The following SNTG1 variants were observed in gnomAD, a reference collection of about 807,000 sequenced individuals.
SNTG1 encodes the protein syntrophin gamma 1, also known as gamma-1-syntrophin.
Under a neutral mutation model 74.7 loss-of-function variants are expected in SNTG1, and 39 were observed. The observed-to-expected ratio is 0.52, with a 90% CI of 0.40 to 0.68. The LOEUF is 0.68. Ranked by LOEUF, SNTG1 falls within the 30% of genes least tolerant of loss-of-function variation. The probability of loss-of-function intolerance (pLI) is 0.00; values close to 1 mark genes in which losing one functional copy is unlikely to be tolerated. For missense variants in SNTG1, 685 were observed against 609.5 expected, an observed-to-expected ratio of 1.12 and a Z score of -1.30; for synonymous variants, 254 against 217.1, an observed-to-expected ratio of 1.17 and a Z score of -1.49.
intron 9 of SNTG1, among the ~76,000 whole-genome samples, chr8:50,518,206 A>G (rs532487569): frequency 2.0e-5 from 3 of 152,336 alleles, no homozygotes; most frequent in African/African-American, 7.2e-5. Flanking sequence ...CAGAGTGACT[A>G]CTGGGTAAAT....
At chr8:50,403,699 G>T (rs963029478) in intron 4 of SNTG1, among the ~76,000 whole-genome samples, 1 of 152,204 alleles carries the variant, frequency 6.6e-6, no homozygotes, top group Non-Finnish European at 1.5e-5. Context: ...ATAATGAAGA[G>T]AATTAAGGAG....
chr8:50,230,840 CTT>C (rs71235782), intron 2 of SNTG1, among the ~76,000 whole-genome samples: 1 of 145,566 alleles, frequency 6.9e-6, no homozygotes, highest in African/African-American at 2.5e-5. Flanking sequence ...GTTTGGGTAA[CTT>C]TTTTTTTTTT....
chr8:50,508,034 C>T (rs556737336), intron 9 of SNTG1, among the ~76,000 whole-genome samples: 12 of 151,896 alleles, frequency 7.9e-5, no homozygotes, highest in South Asian at 4.2e-4. Flanking sequence ...CATCATTTAA[C>T]GTTAGATATA....
At chr8:50,643,590 G>C (rs950304255) in intron 13 of SNTG1, among the ~76,000 whole-genome samples, 3 of 152,146 alleles carry the variant, frequency 2.0e-5, no homozygotes, top group Non-Finnish European at 4.4e-5. Flanking sequence ...GAGAACTCGT[G>C]GTATGTTTAG....
intron 18 of SNTG1, among the ~76,000 whole-genome samples, chr8:50,787,147 CAT>C (rs1305696489): frequency 1.3e-5 from 2 of 151,338 alleles, no homozygotes; most frequent in African/African-American, 4.8e-5. Context: ...AGAAAAGAAA[CAT>C]AAATACCCCA....
At chr8:49,980,200 C>T (rs1812545887) in intron 1 of SNTG1, among the ~76,000 whole-genome samples, 1 of 152,178 alleles carries the variant, frequency 6.6e-6, no homozygotes, top group South Asian at 2.1e-4. Context: ...CTGGCAGCCA[C>T]TATTCTACTT....
rs183049395 is a variant in SNTG1 at position 50,414,075 on chromosome 8, G to T, written c.162+11731G>T. Among the ~76,000 whole-genome samples, 318 of 152,182 alleles carry T rather than the reference G, an allele frequency of 2.1e-3. 3 individuals are homozygous for T. The highest frequency in any genetic ancestry group is 0.01 in the Middle Eastern group (3 of 294). ...GATCTGACTCTGTTATCTGTTCTTT[G>T]TTCTGCTGCTGATGCACTCACTAAA... On this transcript the variant is annotated intron_variant, in intron 4 of 18. Coordinates refer to ENST00000642720, the MANE Select transcript of SNTG1 (RefSeq NM_018967.5).
intron 8 of SNTG1, among the ~76,000 whole-genome samples, chr8:50,485,036 C>T (rs185161192): frequency 2.0e-4 from 31 of 152,230 alleles, no homozygotes; most frequent in Admixed American, 6.5e-4. Flanking sequence ...GAGGGACATT[C>T]AACATGGGTC....
intron 17 of SNTG1, among the ~76,000 whole-genome samples, chr8:50,748,644 C>G (rs2095560461): frequency 6.6e-6 from 1 of 151,990 alleles, no homozygotes; most frequent in Non-Finnish European, 1.5e-5. Context: ...GTTTTTCCAA[C>G]AGCGTGCGCT....
At chr8:49,950,330 A>G (rs1354084388) in intron 1 of SNTG1, among the ~76,000 whole-genome samples, 2 of 152,210 alleles carry the variant, frequency 1.3e-5, no homozygotes, top group African/African-American at 4.8e-5. Flanking sequence ...ATGAAATTGT[A>G]TTAATATAAT....
chr8:50,259,521 AAAGAAAGAAAGAAAGAAAGAAAGAAAG>A lies in SNTG1; in HGVS notation c.-28+86889_-28+86915del, dbSNP rs2087066496. On this transcript the variant is annotated intron_variant, in intron 2 of 18. Transcript: ENST00000642720. ...CTCAAAAAAAAAAAAAGAAAGAAAG[AAAGAAAGAAAGAAAGAAAGAAAGAAAG>A]AAAGAAAGAAAGAAAGAAAGAAAGA... Among the ~76,000 whole-genome samples the A allele has an allele frequency of 4.9e-4, 5 of 10,118 alleles. 1 individual carries two copies. The highest frequency in any genetic ancestry group is 2.4e-3 in the Non-Finnish European group (4 of 1,668). 6.6% of individuals were successfully genotyped at this position (10,118 alleles called of 152,430 possible). A position where few individuals can be genotyped will look rare whatever the true frequency, so the allele number is the denominator to read the frequency against.
intron 2 of SNTG1, among the ~76,000 whole-genome samples, chr8:50,371,837 T>C (rs1396514520): frequency 2.0e-5 from 3 of 152,196 alleles, no homozygotes; most frequent in African/African-American, 7.2e-5. Flanking sequence ...ATCAATTTTG[T>C]GTAAGTATAG....
chr8:50,594,229 T>C (rs1472371167), intron 13 of SNTG1, among the ~76,000 whole-genome samples: 2 of 152,200 alleles, frequency 1.3e-5, no homozygotes. Flanking sequence ...CACTACTATA[T>C]GTACCTAGAC....
intron 2 of SNTG1, among the ~76,000 whole-genome samples, chr8:50,284,708 T>C (rs1018895050): frequency 3.3e-5 from 5 of 152,174 alleles, no homozygotes; most frequent in African/African-American, 1.2e-4. Flanking sequence ...TGTTATTTCA[T>C]TGTGGCTCAC....
intron 9 of SNTG1, among the ~76,000 whole-genome samples, chr8:50,520,843 C>T (rs751361528): frequency 1.3e-5 from 2 of 152,046 alleles, no homozygotes; most frequent in Non-Finnish European, 2.9e-5. Context: ...ATTAGTTCAA[C>T]CATTGTGAAA....
intron 13 of SNTG1, among the ~76,000 whole-genome samples, chr8:50,643,122 T>A (rs1422316277): frequency 6.6e-6 from 1 of 152,196 alleles, no homozygotes; most frequent in East Asian, 1.9e-4. Flanking sequence ...TTATTTGAAT[T>A]GTCAGGGAAA....
intron 1 of SNTG1, among the ~76,000 whole-genome samples, chr8:50,147,957 T>C (rs1186304491): frequency 6.6e-6 from 1 of 152,110 alleles, no homozygotes; most frequent in East Asian, 1.9e-4. Flanking sequence ...GCATAATGCA[T>C]ATTATAATGC....
At chr8:50,255,737 C>A in intron 2 of SNTG1, among the ~76,000 whole-genome samples, 1 of 152,180 alleles carries the variant, frequency 6.6e-6, no homozygotes, top group Non-Finnish European at 1.5e-5. Flanking sequence ...GCCCACCTTA[C>A]TCCAGTATGA....
chr8:50,202,388 G>C (rs2084020289), intron 2 of SNTG1, among the ~76,000 whole-genome samples: 1 of 151,928 alleles, frequency 6.6e-6, no homozygotes. Context: ...TGGAATTACT[G>C]CTCTTTGTAT....
Sources: gnomAD v4.1 joint callset for allele counts (sites outside exome capture counted in the v4.1 genomes callset) on GRCh38, gnomAD v4.1.1 for gene constraint, MANE v1.5 for transcripts, NCBI Gene and HGNC (gene_info 2026-07-23, HGNC 2026-07-21) for gene names.